Variants in DOK6 observed in about 807,000 individuals in gnomAD.
DOK6 encodes downstream of tyrosine kinase 6.
A neutral mutation model predicts 44.0 loss-of-function variants in DOK6; 22 were observed. That is an observed-to-expected ratio of 0.50 (90% CI 0.36 to 0.71). The LOEUF is 0.71. DOK6 is among the 30% of genes least tolerant of loss of function. The pLI, the probability that DOK6 is intolerant of heterozygous loss-of-function variation, is 0.00. For synonymous variants in DOK6, 166 were observed against 145.5 expected (o/e 1.14, Z -1.01); for missense variants, 340 against 416.4 (o/e 0.82, Z 1.60).
At chr18:69,811,985 A>G (rs886119530) in intron 7 of DOK6, among the ~76,000 whole-genome samples, 5 of 152,146 alleles carry the variant, frequency 3.3e-5, no homozygotes, top group African/African-American at 1.2e-4. Context: ...ATATTTGCAA[A>G]GAGGAGGCAG....
chr18:69,699,937 C>T (rs1986474964), intron 5 of DOK6, among the ~76,000 whole-genome samples: 1 of 151,962 alleles, frequency 6.6e-6, no homozygotes, highest in South Asian at 2.1e-4. Context: ...GCTAAGGAGG[C>T]CTCACAGTCA....
At chr18:69,428,158 ATAAT>A (rs1256425376) in intron 1 of DOK6, among the ~76,000 whole-genome samples, 1 of 152,084 alleles carries the variant, frequency 6.6e-6, no homozygotes, top group Admixed American at 6.5e-5. Context: ...TACTGTACTA[ATAAT>A]TAAATTATAA....
chr18:69,556,731 C>T (rs1160326974), intron 1 of DOK6, among the ~76,000 whole-genome samples: 2 of 152,154 alleles, frequency 1.3e-5, no homozygotes, highest in African/African-American at 4.8e-5. Context: ...ATCTGTGTAC[C>T]TATCTATGGA....
chr18:69,507,998 T>C (rs746833158), intron 1 of DOK6, among the ~76,000 whole-genome samples: 3 of 152,212 alleles, frequency 2.0e-5, no homozygotes, highest in Non-Finnish European at 4.4e-5. Context: ...ATGTTAATTA[T>C]AGGTTTTTTA....
chr18:69,698,731 A>G (rs1323977178), intron 5 of DOK6, 138 bp downstream of exon 5: 1 of 739,656 alleles, frequency 1.4e-6, no homozygotes, highest in African/African-American at 1.8e-5. Context: ...TACCAAATAC[A>G]TAATTTCTTC....
chr18:69,655,761 CAAAAA>C (rs74175379), intron 3 of DOK6, among the ~76,000 whole-genome samples: 348 of 43,182 alleles, frequency 8.1e-3, no homozygotes, highest in African/African-American at 0.035. Flanking sequence ...CCCCACCCCT[CAAAAA>C]AAAAAAAAAA....
intron 1 of DOK6, among the ~76,000 whole-genome samples, chr18:69,500,930 T>G (rs1247599965): frequency 6.6e-6 from 1 of 152,148 alleles, no homozygotes; most frequent in Non-Finnish European, 1.5e-5. Flanking sequence ...GGAATTGATA[T>G]GTAAAATCTG....
At chr18:69,499,728 G>A (rs1456563248) in intron 1 of DOK6, among the ~76,000 whole-genome samples, 1 of 152,078 alleles carries the variant, frequency 6.6e-6, no homozygotes, top group African/African-American at 2.4e-5. Flanking sequence ...CCTAACAGGC[G>A]CTCAGACTTA....
chr18:69,801,414 A>T (rs895272907), intron 7 of DOK6, among the ~76,000 whole-genome samples: 1 of 152,198 alleles, frequency 6.6e-6, no homozygotes. Flanking sequence ...CTAGTTTTAA[A>T]TGATAATTTC....
At chr18:69,702,869 C>A (rs1017259329) in intron 5 of DOK6, among the ~76,000 whole-genome samples, 1 of 152,112 alleles carries the variant, frequency 6.6e-6, no homozygotes, top group African/African-American at 2.4e-5. Context: ...TAAAAGGCGA[C>A]CAAAACTGTC....
intron 1 of DOK6, among the ~76,000 whole-genome samples, chr18:69,459,694 C>T (rs964666788): frequency 6.6e-6 from 1 of 152,130 alleles, no homozygotes; most frequent in African/African-American, 2.4e-5. Context: ...GTACTCAGAA[C>T]TTTACTATTT....
rs974750131 is a variant in DOK6 at position 69,599,458 on chromosome 18, C to G, written c.249C>G (p.Ile83Met). Residue 83 changes from isoleucine (I) to methionine (M), a missense_variant, in exon 3 of 8, where the codon ATC (isoleucine) becomes ATG (methionine). Around this residue, in one of 3 missense-constraint regions of DOK6, gnomAD observed 206 missense variants for 258.6 expected, o/e 0.80. Coordinates refer to ENST00000382713, the MANE Select transcript of DOK6 (RefSeq NM_152721.6). ...CAAAGAAGCATGCGGTGGCAATCAT[C>G]TTTCACGATGAAACATCGAAGACAT... ...RETKKHAVAI[I>M]FHDETSKTFA... is the part of the protein sequence containing the mutation. 1 of 1,614,020 alleles carries G rather than the reference C, an allele frequency of 6.2e-7. No individual in the cohort carries two copies. The highest frequency in any genetic ancestry group is 8.5e-7 in the Non-Finnish European group (1 of 1,179,956).
intron 3 of DOK6, among the ~76,000 whole-genome samples, chr18:69,677,370 G>GTGTA (rs1555722635): frequency 1.3e-5 from 2 of 149,186 alleles, no homozygotes; most frequent in Admixed American, 6.7e-5. Context: ...ATATGTGTGT[G>GTGTA]TATATATATA....
intron 3 of DOK6, among the ~76,000 whole-genome samples, chr18:69,665,798 TTTGA>T (rs1464327851): frequency 6.6e-6 from 1 of 151,056 alleles, no homozygotes; most frequent in Non-Finnish European, 1.5e-5. Flanking sequence ...CACCCACAGT[TTTGA>T]TTTTTTTTTT....
At chr18:69,490,035 G>A (rs1402182492) in intron 1 of DOK6, among the ~76,000 whole-genome samples, 1 of 151,976 alleles carries the variant, frequency 6.6e-6, no homozygotes, top group Non-Finnish European at 1.5e-5. Context: ...ATATTCAGAA[G>A]ACATGCCAAT....
At chr18:69,550,783 T>C (rs1295646454) in intron 1 of DOK6, among the ~76,000 whole-genome samples, 26 of 145,002 alleles carry the variant, frequency 1.8e-4, no homozygotes, top group Non-Finnish European at 2.7e-4. Context: ...CTTTCTTTTT[T>C]TTTTTTTTTT....
chr18:69,699,150 C>A (rs1170694166), intron 5 of DOK6, among the ~76,000 whole-genome samples: 2 of 152,130 alleles, frequency 1.3e-5, no homozygotes, highest in South Asian at 4.1e-4. Flanking sequence ...ACATAAACTA[C>A]AACCAACCAA....
At chr18:69,650,087 G>A (rs564663449) in intron 3 of DOK6, among the ~76,000 whole-genome samples, 9 of 152,112 alleles carry the variant, frequency 5.9e-5, no homozygotes, top group African/African-American at 1.9e-4. Context: ...GTCACCCAGT[G>A]AGATTAACAC....
chr18:69,448,834 C>T (rs1979371295), intron 1 of DOK6, among the ~76,000 whole-genome samples: 1 of 152,042 alleles, frequency 6.6e-6, no homozygotes, highest in Non-Finnish European at 1.5e-5. Flanking sequence ...ATACTGAGTG[C>T]CATGTATATA....
Sources: allele counts gnomAD v4.1 joint callset (sites outside exome capture counted in the v4.1 genomes callset), GRCh38; gene constraint gnomAD v4.1.1; regional missense constraint gnomAD v4.1.1; transcripts MANE v1.5; gene names NCBI Gene and HGNC (gene_info 2026-07-23, HGNC 2026-07-21).